The following RYR3 variants were observed in gnomAD, a reference collection of about 807,000 sequenced individuals.
The protein encoded by RYR3 is brain ryanodine receptor-calcium release channel.
A neutral mutation model predicts 584.3 loss-of-function variants in RYR3; 207 were observed. That is an observed-to-expected ratio of 0.35 (90% CI 0.32 to 0.40). The LOEUF (loss-of-function observed/expected upper bound fraction) is 0.40, where lower values mean the gene tolerates loss of function less well. Among genes scored for constraint, RYR3 ranks in the 10% least tolerant of loss-of-function variants. The pLI, the probability that RYR3 is intolerant of heterozygous loss-of-function variation, is 1.00. For synonymous variants in RYR3, 2,416 were observed against 2,248.5 expected (o/e 1.07, Z -2.11); for missense variants, 5,616 against 6,089.2 (o/e 0.92, Z 2.59).
At chr15:33,850,680 T>G (rs900932865) in intron 94 of RYR3, 3 of 152,176 alleles carry the variant, frequency 2.0e-5, no homozygotes, top group Non-Finnish European at 4.4e-5. Flanking sequence ...TTTTATATTG[T>G]TAAGCACACA....
At chr15:33,582,299 T>C (rs565594492) in intron 14 of RYR3, among the ~76,000 whole-genome samples, 1 of 152,324 alleles carries the variant, frequency 6.6e-6, no homozygotes, top group South Asian at 2.1e-4. Flanking sequence ...GATAAGCTAG[T>C]ACTTTAGGGC....
chr15:33,615,178 C>T (rs2152570532), intron 19 of RYR3, among the ~76,000 whole-genome samples: 1 of 152,148 alleles, frequency 6.6e-6, no homozygotes, highest in South Asian at 2.1e-4. Flanking sequence ...ATACTAGTGT[C>T]CATGGAAGCC....
chr15:33,412,937 A>T lies in RYR3; in HGVS notation c.52-60482A>T, dbSNP rs114771767. The stretch of plus-strand genomic sequence containing the variant: ...AAAATTCTGTTCAAGAAACTAGCCT[A>T]TGTACTCCATCTTTCTCTTTCTGTG... On this transcript the variant is annotated intron_variant, in intron 1 of 103. Transcript: ENST00000634891. This position sits in a 1 kb window ranked among gnomAD's most constrained non-coding sequence, Gnocchi z 4.3. Among the ~76,000 whole-genome samples, 11,636 of 152,124 alleles carry T rather than the reference A, an allele frequency of 0.076. 1,512 individuals carry two copies. Among genetic ancestry groups the T allele is most frequent in the African/African-American group, 0.27 (11,035 of 41,396 alleles).
At chr15:33,660,504 G>T in intron 34 of RYR3, 81 bp downstream of exon 34, 1 of 937,738 alleles carries the variant, frequency 1.1e-6, no homozygotes, top group South Asian at 1.7e-5. Context: ...AGGAAACCAG[G>T]AGCATCTGTG....
chr15:33,779,250 G>A (rs563463013), intron 64 of RYR3, among the ~76,000 whole-genome samples: 2 of 151,552 alleles, frequency 1.3e-5, no homozygotes, highest in South Asian at 2.1e-4. Flanking sequence ...TTTTTGAGTT[G>A]GAGTCTTGCC....
chr15:33,621,940 G>A lies in RYR3; in HGVS notation c.2358-1867G>A, dbSNP rs1382649172. On this transcript the variant is annotated intron_variant, in intron 19 of 103. Transcript: ENST00000634891. ...GAAAGTATCCTGTTGTGAAAGTTTTGCCAAATCATAACTTTTCTCCGTTTA... is the reference window on the plus strand; with the variant it reads ...GAAAGTATCCTGTTGTGAAAGTTTTACCAAATCATAACTTTTCTCCGTTTA... 3.3e-5 allele frequency among the ~76,000 whole-genome samples: 5 copies of A among 152,200 alleles called. 1 individual carries two copies. The South Asian group carries it at 1.0e-3, about 32-fold the overall frequency.
intron 1 of RYR3, among the ~76,000 whole-genome samples, chr15:33,433,261 T>C (rs1308530663): frequency 1.3e-5 from 2 of 152,166 alleles, no homozygotes; most frequent in East Asian, 3.8e-4. Context: ...AGGAAAGTCA[T>C]TGTTATAGAA....
chr15:33,626,939 A>T (rs28612107), intron 20 of RYR3, among the ~76,000 whole-genome samples: 2 of 151,976 alleles, frequency 1.3e-5, no homozygotes, highest in South Asian at 4.2e-4. Context: ...GAGAACTTCT[A>T]CTAGGGTGGT....
At chr15:33,578,083 T>G (rs1268071935) in intron 12 of RYR3, among the ~76,000 whole-genome samples, 1 of 151,866 alleles carries the variant, frequency 6.6e-6, no homozygotes, top group African/African-American at 2.4e-5. Context: ...CTAATCAGAG[T>G]GGCAAGTATT....
intron 47 of RYR3, among the ~76,000 whole-genome samples, chr15:33,730,984 G>T (rs1349358872): frequency 6.6e-6 from 1 of 152,204 alleles, no homozygotes; most frequent in East Asian, 1.9e-4. Context: ...CAAAACTGGT[G>T]AATTTGAGAA....
At chr15:33,650,929 T>C (rs1446546879) in intron 31 of RYR3, among the ~76,000 whole-genome samples, 1 of 152,248 alleles carries the variant, frequency 6.6e-6, no homozygotes, top group Non-Finnish European at 1.5e-5. Flanking sequence ...ACATCTGGTT[T>C]AGATTGGAAA....
At chr15:33,862,772 G>A (rs1310463424) in intron 102 of RYR3, among the ~76,000 whole-genome samples, 1 of 152,002 alleles carries the variant, frequency 6.6e-6, no homozygotes, top group Non-Finnish European at 1.5e-5. Flanking sequence ...CACCATCCTG[G>A]GCTAATTTTT....
intron 1 of RYR3, among the ~76,000 whole-genome samples, chr15:33,368,338 CTTTTTTTTTT>C (rs35491164): frequency 7.0e-5 from 6 of 85,824 alleles, no homozygotes; most frequent in South Asian, 4.7e-4. Context: ...GCCTTCCTGT[CTTTTTTTTTT>C]TTTTTTTTTT....
chr15:33,815,630 T>C (rs1001735195), intron 74 of RYR3, among the ~76,000 whole-genome samples: 3 of 152,220 alleles, frequency 2.0e-5, no homozygotes, highest in Non-Finnish European at 4.4e-5. Context: ...GGGGCTGCTA[T>C]GGGTGATCTC....
intron 99 of RYR3, 68 bp downstream of exon 99, chr15:33,857,982 G>T: frequency 1.3e-6 from 2 of 1,595,888 alleles, no homozygotes; most frequent in Non-Finnish European, 8.5e-7. Flanking sequence ...CACCTCACTG[G>T]GAAGAAGGGC....
chr15:33,726,828 A>G (rs2059953), intron 46 of RYR3, among the ~76,000 whole-genome samples: 70,452 of 152,188 alleles, frequency 0.46, 17,265 homozygotes, highest in East Asian at 0.96. Context: ...GTTGGGAAGA[A>G]AATGGACATG....
At chr15:33,791,179 G>C (rs1374984480) in intron 67 of RYR3, among the ~76,000 whole-genome samples, 1 of 152,216 alleles carries the variant, frequency 6.6e-6, no homozygotes, top group Non-Finnish European at 1.5e-5. Context: ...GGCCAAGAGA[G>C]GAGTTGTTAA....
At position 33,861,171 on chromosome 15, in the gene RYR3, A is replaced by G. The variant is rs750773804; in HGVS notation, c.14458A>G (p.Asn4820Asp). 1 of 1,585,516 alleles carries G rather than the reference A, an allele frequency of 6.3e-7. No individual in the cohort carries two copies. Among genetic ancestry groups the G allele is most frequent in the Admixed American group, 1.8e-5 (1 of 55,798 alleles). ...TACATTACAAGAGCACAACTTAGCC[A>G]ACTACTTGTGAGTATTCTTGGTTAA... ...THTLQEHNLANYLFFLMYLIN... is the reference protein window; with the variant it reads ...THTLQEHNLADYLFFLMYLIN... The change falls in exon 102 of 104, where the codon AAC becomes GAC. Residue 4820 changes from asparagine to aspartate, a missense_variant. By Grantham distance (23) the Asn-to-Asp change is conservative. This residue lies in a region of RYR3 where 918 missense variants were observed against 887.4 expected (regional missense o/e 1.03). Coordinates refer to ENST00000634891, the MANE Select transcript of RYR3 (RefSeq NM_001036.6).
In RYR3 at chr15:33,631,276, G is replaced by C; in HGVS notation, c.2850G>C (p.Lys950Asn). Reference protein sequence around the residue: ...VNPAAEEDLKKVKLPKNYMMS... With the variant: ...VNPAAEEDLKNVKLPKNYMMS... ...CAGCTGCTGAGGAGGATCTCAAGAA[G>C]GTCAAACTGCCCAAAAAGTAGGTGA... The change falls in exon 23 of 104, where the codon AAG (lysine) becomes AAC (asparagine). Residue 950 changes from lysine (K) to asparagine (N), a missense_variant. Physicochemically the swap from Lys to Asn is moderately conservative, Grantham distance 94. This residue lies in a region of RYR3 where 1,284 missense variants were observed against 1,344.6 expected (regional missense o/e 0.95). Coordinates refer to ENST00000634891, the MANE Select transcript of RYR3 (RefSeq NM_001036.6). 6.3e-7 allele frequency: 1 copy of C among 1,585,144 alleles called. No individual in the cohort carries two copies. The highest frequency in any genetic ancestry group is 1.7e-4 in the Middle Eastern group (1 of 6,040).
Sources: gnomAD v4.1 joint callset for allele counts (sites outside exome capture counted in the v4.1 genomes callset) on GRCh38, gnomAD v4.1.1 for gene constraint, gnomAD v4.1.1 regional missense constraint, Gnocchi (gnomAD v3.1) non-coding constraint, MANE v1.5 for transcripts, NCBI Gene and HGNC (gene_info 2026-07-23, HGNC 2026-07-21) for gene names.